The following EMID1 variants were observed in gnomAD, a reference collection of about 807,000 sequenced individuals.
EMID1 encodes EMI domain-containing protein 1.
A neutral mutation model predicts 60.6 loss-of-function variants in EMID1; 40 were observed. That is an observed-to-expected ratio of 0.66 (90% CI 0.51 to 0.86). The LOEUF is 0.86. Among genes scored for constraint, EMID1 ranks in the 40% least tolerant of loss-of-function variants. The pLI, the probability that EMID1 is intolerant of heterozygous loss-of-function variation, is 0.00. For synonymous variants in EMID1, 242 were observed against 231.0 expected, an observed-to-expected ratio of 1.05 and a Z score of -0.43; for missense variants, 585 against 597.1, an observed-to-expected ratio of 0.98 and a Z score of 0.21.
At chr22:29,233,498 G>T (rs779035616) in intron 9 of EMID1, 30 bp downstream of exon 9, 1 of 1,612,206 alleles carries the variant, frequency 6.2e-7, no homozygotes, top group African/African-American at 1.3e-5. Flanking sequence ...GGGGTAAAGG[G>T]TGAAGTTGGT....
chr22:29,215,388 T>C, intron 2 of EMID1, 139 bp from the exon 3 acceptor site: 1 of 1,277,638 alleles, frequency 7.8e-7, no homozygotes, highest in Non-Finnish European at 1.1e-6. Context: ...AATCCCAAAA[T>C]GCAGGAGAGA....
At chr22:29,233,929 G>A in intron 10 of EMID1, 3 of 666,208 alleles carry the variant, frequency 4.5e-6, no homozygotes, top group Non-Finnish European at 7.5e-6. Context: ...GCCAGCACAT[G>A]GCAATGAGCT....
intron 12 of EMID1, among the ~76,000 whole-genome samples, chr22:29,236,787 CT>C (rs374502076): frequency 6.0e-5 from 9 of 151,066 alleles, no homozygotes; most frequent in African/African-American, 1.7e-4. Context: ...TATTTTCTTT[CT>C]TTTTTTTCTT....
intron 3 of EMID1, among the ~76,000 whole-genome samples, chr22:29,222,879 C>G (rs1050575228): frequency 6.6e-6 from 1 of 152,076 alleles, no homozygotes; most frequent in African/African-American, 2.4e-5. Flanking sequence ...ATCACGAGGT[C>G]GGGAGATGGA....
At chr22:29,256,289 A>G (rs11912918) in intron 14 of EMID1, among the ~76,000 whole-genome samples, 9,307 of 151,922 alleles carry the variant, frequency 0.061, 462 homozygotes, top group African/African-American at 0.14. Context: ...CCTGGGCAAC[A>G]TGGCGAAACC....
chr22:29,234,350 G>GT lies in EMID1; in HGVS notation c.1074+2dup, dbSNP rs750072338. 4 of 1,613,464 alleles carry GT rather than the reference G, an allele frequency of 2.5e-6. No homozygotes were observed. The highest frequency in any genetic ancestry group is 3.4e-6 in the Non-Finnish European group (4 of 1,179,898). The stretch of plus-strand genomic sequence containing the variant: ...CCCCCAAGGCTCTGCTGGGCAGCGG[G>GT]TAAGTGTTGCTGTCTGTCCCGCATT... On this transcript the variant is annotated splice_donor_variant, in intron 12 of 14. Coordinates refer to ENST00000334018, the MANE Select transcript of EMID1 (RefSeq NM_133455.4). LOFTEE classifies it high-confidence loss of function.
chr22:29,233,940 G>A, intron 10 of EMID1, 197 bp from the exon 11 acceptor site: 1 of 683,882 alleles, frequency 1.5e-6, no homozygotes, highest in Admixed American at 2.9e-5. Flanking sequence ...GCAATGAGCT[G>A]TGGTGGGACT....
chr22:29,253,698 A>G (rs1313882900), intron 13 of EMID1, among the ~76,000 whole-genome samples: 1 of 152,248 alleles, frequency 6.6e-6, no homozygotes, highest in African/African-American at 2.4e-5. Context: ...AAGTGGAAAT[A>G]CTGGTAAGTA....
intron 14 of EMID1, chr22:29,255,186 G>GGGC: frequency 4.7e-6 from 2 of 425,448 alleles, no homozygotes; most frequent in East Asian, 3.8e-5. Context: ...AGCTGGCAGT[G>GGGC]CCCTCCCACC....
chr22:29,250,732 AATT>A (rs1182045321), intron 13 of EMID1, among the ~76,000 whole-genome samples: 2 of 39,864 alleles, frequency 5.0e-5, no homozygotes, highest in East Asian at 4.3e-4. Flanking sequence ...ACACCCGGCT[AATT>A]TTTTTTTTTT....
rs2039639753 is a variant in EMID1 at position 29,206,155 on chromosome 22, G to A, written c.101+16G>A. 4 of 1,228,828 alleles carry A rather than the reference G, an allele frequency of 3.3e-6. No individual in the cohort carries two copies. Among genetic ancestry groups the A allele is most frequent in the Non-Finnish European group, 4.1e-6 (4 of 985,568 alleles). 76.1% of individuals were successfully genotyped at this position (1,228,828 alleles called of 1,614,324 possible). ...CCGGACGCAGGTAAGAGCTCCCGGC[G>A]CCTTTGCACCCCGCTGGCCGAGGGT... On this transcript the variant is annotated intron_variant, in intron 1 of 14. Transcript: ENST00000334018.
intron 5 of EMID1, among the ~76,000 whole-genome samples, chr22:29,228,022 G>A (rs1417027385): frequency 2.6e-5 from 4 of 152,124 alleles, no homozygotes; most frequent in Non-Finnish European, 4.4e-5. Flanking sequence ...CGGGCATGGT[G>A]GCGCATGCCT....
At chr22:29,206,312 A>G (rs1372656080) in intron 1 of EMID1, among the ~76,000 whole-genome samples, 173 bp downstream of exon 1, 1 of 151,752 alleles carries the variant, frequency 6.6e-6, no homozygotes, top group East Asian at 1.9e-4. Context: ...GGGGTCCCCT[A>G]CTCCATGTGT....
At position 29,256,975 on chromosome 22, in the gene EMID1, C is replaced by T. The variant is rs141209814; in HGVS notation, c.1205-1842C>T. ...CCCTCTTACAGAGAGGGGCCAAGGA[C>T]CAAATCTCAGGCTCTCAGAACCTTT... On this transcript the variant is annotated intron_variant, in intron 14 of 14. Coordinates refer to ENST00000334018, the MANE Select transcript of EMID1 (RefSeq NM_133455.4). Among the ~76,000 whole-genome samples, 442 of 152,298 alleles carry T rather than the reference C, an allele frequency of 2.9e-3. 3 individuals carry two copies. The highest frequency in any genetic ancestry group is 0.01 in the African/African-American group (419 of 41,568).
chr22:29,240,581 G>A (rs2041117553), intron 12 of EMID1, among the ~76,000 whole-genome samples: 1 of 152,212 alleles, frequency 6.6e-6, no homozygotes, highest in African/African-American at 2.4e-5. Context: ...CCTCTGGAAT[G>A]TGTCTAGACT....
Position 29,206,038 on chromosome 22 carries a change from C to T in EMID1, c.-1C>T. The T allele has an allele frequency of 8.2e-7, 1 of 1,225,068 alleles. No individual in the cohort carries two copies. Among genetic ancestry groups the T allele is most frequent in the Non-Finnish European group, 1.0e-6 (1 of 983,680 alleles). 75.9% of individuals were successfully genotyped at this position (1,225,068 alleles called of 1,614,324 possible). ...CGCGCGCGGAGGGCGCCTGGTGCAG[C>T]ATGGGCGGCCCGCGGGCTTGGGCGC... On this transcript the variant is annotated 5_prime_UTR_variant, in exon 1 of 15. Coordinates refer to ENST00000334018, the MANE Select transcript of EMID1 (RefSeq NM_133455.4).
At chr22:29,250,589 CAG>C (rs972255229) in intron 13 of EMID1, among the ~76,000 whole-genome samples, 7 of 150,770 alleles carry the variant, frequency 4.6e-5, no homozygotes, top group Non-Finnish European at 1.0e-4. Context: ...TAATTTGAGA[CAG>C]AGTCTTGCTC....
At chr22:29,233,931 C>G (rs765017423) in intron 10 of EMID1, 2 of 670,864 alleles carry the variant, frequency 3.0e-6, no homozygotes, top group Non-Finnish European at 5.0e-6. Context: ...CAGCACATGG[C>G]AATGAGCTGT....
At position 29,206,072 on chromosome 22, in the gene EMID1, C is replaced by A; in HGVS notation, c.34C>A (p.Leu12Ile). The part of the protein sequence containing the change: ...GGPRAWALLC[L>I]GLLLPGGGAA... The stretch of plus-strand genomic sequence containing the variant: ...CCCGCGGGCTTGGGCGCTGCTCTGC[C>A]TCGGGCTCCTGCTCCCGGGAGGCGG... Residue 12 changes from leucine to isoleucine, a missense_variant, in exon 1 of 15, where the codon CTC becomes ATC. By Grantham distance (5) the Leu-to-Ile change is conservative. Coordinates refer to ENST00000334018, the MANE Select transcript of EMID1 (RefSeq NM_133455.4). The A allele has an allele frequency of 3.3e-6, 4 of 1,230,370 alleles. No homozygotes were observed. The highest frequency in any genetic ancestry group is 4.1e-6 in the Non-Finnish European group (4 of 987,152). 76.2% of individuals were successfully genotyped at this position (1,230,370 alleles called of 1,614,324 possible).
Sources: allele counts gnomAD v4.1 joint callset (sites outside exome capture counted in the v4.1 genomes callset), GRCh38; gene constraint gnomAD v4.1.1; transcripts MANE v1.5; gene names NCBI Gene and HGNC (gene_info 2026-07-23, HGNC 2026-07-21).